LRRTM4: variants seen among roughly 807,000 people sequenced by gnomAD.
The protein encoded by LRRTM4 is leucine rich repeat transmembrane neuronal 4.
LRRTM4 carries 25 observed loss-of-function variants against 47.6 expected under a neutral mutation model. The ratio of observed to expected loss-of-function variants is 0.53; its 90% confidence interval spans 0.38 to 0.73. LRRTM4 has a LOEUF of 0.73. LRRTM4 is among the 30% of genes least tolerant of loss of function. The pLI, the probability that LRRTM4 is intolerant of heterozygous loss-of-function variation, is 0.00. For synonymous variants in LRRTM4, 311 were observed against 269.5 expected, an observed-to-expected ratio of 1.15 and a Z score of -1.51; for missense variants, 638 against 713.4, an observed-to-expected ratio of 0.89 and a Z score of 1.20.
At chr2:76,814,806 TACACACACACACACAC>T (rs111468624) in intron 3 of LRRTM4, among the ~76,000 whole-genome samples, 14 of 52,660 alleles carry the variant, frequency 2.7e-4, no homozygotes, top group Middle Eastern at 0.013. Flanking sequence ...CACACACACA[TACACACACACACACAC>T]ACACACACAC....
intron 3 of LRRTM4, among the ~76,000 whole-genome samples, chr2:77,265,068 C>T (rs74328962): frequency 0.028 from 4,196 of 151,922 alleles, 85 homozygotes; most frequent in South Asian, 0.062. Context: ...ACCAAAAGGG[C>T]GATCATGTCA....
intron 3 of LRRTM4, among the ~76,000 whole-genome samples, chr2:77,192,582 C>G (rs10181726): frequency 0.13 from 19,826 of 146,864 alleles, 3,594 homozygotes; most frequent in African/African-American, 0.42. Flanking sequence ...AGTAACCACA[C>G]TAAACCTATT....
chr2:76,953,393 C>A (rs969815000), intron 3 of LRRTM4, among the ~76,000 whole-genome samples: 2 of 151,772 alleles, frequency 1.3e-5, no homozygotes, highest in Non-Finnish European at 2.9e-5. Flanking sequence ...TGCTTTGAAA[C>A]GGGCAAAAAT....
chr2:76,836,937 C>G (rs1420749436), intron 3 of LRRTM4, among the ~76,000 whole-genome samples: 2 of 152,066 alleles, frequency 1.3e-5, no homozygotes, highest in African/African-American at 4.8e-5. Flanking sequence ...TTAGTTACTA[C>G]AGTTAATCAA....
At chr2:76,814,310 G>T (rs1477728275) in intron 3 of LRRTM4, among the ~76,000 whole-genome samples, 1 of 152,106 alleles carries the variant, frequency 6.6e-6, no homozygotes, top group Admixed American at 6.5e-5. Flanking sequence ...GTTACAACAA[G>T]AGAGTTAAAA....
Position 77,021,097 on chromosome 2 carries a change from T to C in LRRTM4, c.1552-272181A>G, listed in dbSNP as rs76272209. On this transcript the variant is annotated intron_variant, in intron 3 of 3. Coordinates refer to ENST00000409884, the MANE Select transcript of LRRTM4 (RefSeq NM_001134745.3). Reference sequence around the variant, plus strand: ...ACTGCAGGCAAGAAACTTCTCTGTATCTATCTATCTATGTATCTATCTATC... The same window carrying C: ...ACTGCAGGCAAGAAACTTCTCTGTACCTATCTATCTATGTATCTATCTATC... Among the ~76,000 whole-genome samples the C allele has an allele frequency of 4.0e-3, 530 of 133,422 alleles. 14 individuals carry two copies. The East Asian group carries it at 0.074, about 19-fold the overall frequency. The allele number at this position is 133,422 out of a possible 152,430, so 87.5% of individuals were successfully genotyped here.
intron 3 of LRRTM4, among the ~76,000 whole-genome samples, chr2:77,209,435 A>C (rs1369245336): frequency 6.6e-6 from 1 of 152,052 alleles, no homozygotes; most frequent in Non-Finnish European, 1.5e-5. Context: ...AGAAAAAAAA[A>C]AAAACAAAAA....
chr2:77,081,247 A>AACACACACACACACAC (rs58897041), intron 3 of LRRTM4, among the ~76,000 whole-genome samples: 16 of 139,998 alleles, frequency 1.1e-4, no homozygotes, highest in South Asian at 2.4e-4. Flanking sequence ...ACCTGACAGC[A>AACACACACACACACAC]ACACACACAC....
At chr2:77,350,332 C>CAAAAAAAAAAAA (rs61365229) in intron 3 of LRRTM4, among the ~76,000 whole-genome samples, 4 of 39,186 alleles carry the variant, frequency 1.0e-4, no homozygotes, top group Non-Finnish European at 1.8e-4. Context: ...GACTCCGTCT[C>CAAAAAAAAAAAA]AAAAAAAAAA....
chr2:76,844,662 A>G (rs976932848), intron 3 of LRRTM4, among the ~76,000 whole-genome samples: 2 of 152,184 alleles, frequency 1.3e-5, no homozygotes, highest in South Asian at 2.1e-4. Flanking sequence ...CTGAGTCTCA[A>G]TTCTAAAAGC....
chr2:76,944,504 CA>C (rs1675258531), intron 3 of LRRTM4, among the ~76,000 whole-genome samples: 1 of 152,000 alleles, frequency 6.6e-6, no homozygotes, highest in African/African-American at 2.4e-5. Context: ...ATTAGTTACC[CA>C]ACAAATTTTT....
At chr2:76,979,337 TCA>T (rs1676518509) in intron 3 of LRRTM4, among the ~76,000 whole-genome samples, 1 of 151,866 alleles carries the variant, frequency 6.6e-6, no homozygotes, top group African/African-American at 2.4e-5. Flanking sequence ...AAAGCAGATC[TCA>T]CTTTCAAGGG....
chr2:77,291,405 T>C (rs1254586893), intron 3 of LRRTM4, among the ~76,000 whole-genome samples: 1 of 152,122 alleles, frequency 6.6e-6, no homozygotes, highest in East Asian at 1.9e-4. Flanking sequence ...CTGCCATGTG[T>C]ATTTTTACAG....
intron 3 of LRRTM4, among the ~76,000 whole-genome samples, chr2:77,512,563 G>A (rs537427920): frequency 6.6e-6 from 1 of 152,176 alleles, no homozygotes; most frequent in East Asian, 1.9e-4. Flanking sequence ...TGATATACAG[G>A]TTGCTTCTGC....
At chr2:77,082,302 T>C (rs1680558259) in intron 3 of LRRTM4, among the ~76,000 whole-genome samples, 1 of 152,106 alleles carries the variant, frequency 6.6e-6, no homozygotes, top group Non-Finnish European at 1.5e-5. Context: ...TTTACTCTTA[T>C]TTTATTTCTT....
chr2:76,958,129 T>G (rs543663175), intron 3 of LRRTM4, among the ~76,000 whole-genome samples: 1 of 151,866 alleles, frequency 6.6e-6, no homozygotes, highest in African/African-American at 2.4e-5. Context: ...ACAACATTTC[T>G]TCCCAGCTTT....
At chr2:76,843,843 A>C (rs11888083) in intron 3 of LRRTM4, among the ~76,000 whole-genome samples, 30,954 of 151,700 alleles carry the variant, frequency 0.2, 3,275 homozygotes, top group Admixed American at 0.27. Context: ...AACAACATCA[A>C]TACTAGGCCT....
chr2:77,262,860 G>T (rs1372556153), intron 3 of LRRTM4, among the ~76,000 whole-genome samples: 1 of 151,984 alleles, frequency 6.6e-6, no homozygotes, highest in Non-Finnish European at 1.5e-5. Context: ...CCTAAATGAT[G>T]AGAGTGATAA....
intron 3 of LRRTM4, among the ~76,000 whole-genome samples, chr2:76,976,561 C>A (rs1442433799): frequency 2.0e-5 from 3 of 151,722 alleles, no homozygotes; most frequent in Non-Finnish European, 4.4e-5. Context: ...ACAATGTTTT[C>A]CTTCTCTACT....
Sources: allele counts gnomAD v4.1 joint callset (sites outside exome capture counted in the v4.1 genomes callset), GRCh38; gene constraint gnomAD v4.1.1; transcripts MANE v1.5; gene names NCBI Gene and HGNC (gene_info 2026-07-23, HGNC 2026-07-21).